The following TMEM117 variants were observed in gnomAD, a reference collection of about 807,000 sequenced individuals.
TMEM117 encodes transmembrane protein 117.
A neutral mutation model predicts 52.4 loss-of-function variants in TMEM117; 27 were observed. That is an observed-to-expected ratio of 0.51 (90% confidence interval 0.38 to 0.71). TMEM117 has a LOEUF of 0.71. TMEM117 is among the 30% of genes least tolerant of loss of function. TMEM117 has a pLI of 0.00. For missense variants in TMEM117, 556 were observed against 630.5 expected (o/e 0.88, Z 1.26); for synonymous variants, 215 against 206.3 (o/e 1.04, Z -0.36).
At chr12:44,332,916 T>C (rs116919369) in intron 6 of TMEM117, among the ~76,000 whole-genome samples, 4,225 of 152,194 alleles carry the variant, frequency 0.028, 97 homozygotes, top group African/African-American at 0.055. Flanking sequence ...TTAAGATCTC[T>C]TTTACTTTAA....
intron 2 of TMEM117, among the ~76,000 whole-genome samples, chr12:43,849,661 T>G (rs763544420): frequency 1.3e-5 from 2 of 152,166 alleles, no homozygotes; most frequent in Non-Finnish European, 2.9e-5. Flanking sequence ...GAAAAGATTA[T>G]ATGATGTAGT....
chr12:44,372,284 G>A (rs926863614), intron 6 of TMEM117, among the ~76,000 whole-genome samples: 8 of 152,036 alleles, frequency 5.3e-5, no homozygotes, highest in Non-Finnish European at 7.4e-5. Context: ...CTCTTGCCTC[G>A]TCATTCCCTT....
intron 5 of TMEM117, among the ~76,000 whole-genome samples, chr12:44,249,436 A>G (rs1487119552): frequency 1.3e-5 from 2 of 152,186 alleles, no homozygotes; most frequent in African/African-American, 4.8e-5. Context: ...TATAGATTCA[A>G]TGCTACTGCC....
At chr12:44,197,891 G>T (rs933238786) in intron 4 of TMEM117, among the ~76,000 whole-genome samples, 4 of 152,160 alleles carry the variant, frequency 2.6e-5, no homozygotes, top group African/African-American at 9.7e-5. Flanking sequence ...ATAATAAGAA[G>T]ATGCATTAAT....
At chr12:44,276,379 A>G (rs188985795) in intron 5 of TMEM117, among the ~76,000 whole-genome samples, 145 of 152,324 alleles carry the variant, frequency 9.5e-4, no homozygotes, top group Non-Finnish European at 1.7e-3. Context: ...GTGTTAAGTG[A>G]AATAAGCTAG....
chr12:44,135,197 A>G (rs1308178058), intron 3 of TMEM117, among the ~76,000 whole-genome samples: 2 of 152,196 alleles, frequency 1.3e-5, no homozygotes, highest in Admixed American at 6.5e-5. Context: ...AGAAAAGGAA[A>G]CAATAGCAGA....
intron 5 of TMEM117, among the ~76,000 whole-genome samples, chr12:44,286,863 C>G (rs1950645428): frequency 6.6e-6 from 1 of 151,978 alleles, no homozygotes; most frequent in Admixed American, 6.6e-5. Flanking sequence ...TTTAGCTGAA[C>G]AGAAAAAAGG....
At chr12:44,080,700 AAAG>A (rs1179227668) in intron 3 of TMEM117, among the ~76,000 whole-genome samples, 3 of 152,208 alleles carry the variant, frequency 2.0e-5, no homozygotes, top group Admixed American at 1.3e-4. Flanking sequence ...AAAAAAATCA[AAAG>A]AAGAAGAATA....
intron 3 of TMEM117, among the ~76,000 whole-genome samples, chr12:44,126,277 C>CTAACCCCTCCATTGT (rs1053847584): frequency 2.6e-5 from 4 of 152,186 alleles, no homozygotes; most frequent in Non-Finnish European, 5.9e-5. Flanking sequence ...TGCAGTTTCT[C>CTAACCCCTCCATTGT]TAACCCCTCC....
Position 44,376,634 on chromosome 12 carries a change from A to C in TMEM117, c.808A>C (p.Asn270His). Residue 270 changes from asparagine (N) to histidine (H), a missense_variant, in exon 7 of 8, where the codon AAT (asparagine) becomes CAT (histidine). By Grantham distance (68) the Asn-to-His change is moderately conservative. This residue lies in a region of TMEM117 where 328 missense variants were observed against 371.4 expected (regional missense o/e 0.88). Transcript: ENST00000266534. ...FPHFMGDVDV[N>H]LPGLHTPHMQ... is the part of the protein sequence containing the mutation. ...ACATTTCATGGGAGATGTTGATGTA[A>C]ATCTCCCTGGTTTGCACACCCCTCA... The C allele has an allele frequency of 1.2e-6, 2 of 1,609,688 alleles. No homozygotes were observed. Among genetic ancestry groups the C allele is most frequent in the Non-Finnish European group, 1.7e-6 (2 of 1,178,530 alleles).
intron 5 of TMEM117, among the ~76,000 whole-genome samples, chr12:44,230,004 G>A (rs1465277423): frequency 1.3e-5 from 2 of 151,958 alleles, no homozygotes; most frequent in African/African-American, 2.4e-5. Context: ...ATATGCTAAT[G>A]GTGTGTTTTC....
intron 2 of TMEM117, among the ~76,000 whole-genome samples, chr12:43,936,963 A>G (rs1944961471): frequency 6.6e-6 from 1 of 152,170 alleles, no homozygotes; most frequent in Non-Finnish European, 1.5e-5. Flanking sequence ...AGGTGGAGAA[A>G]AAAGAATGAG....
chr12:44,061,674 G>C (rs985109137), intron 3 of TMEM117, among the ~76,000 whole-genome samples: 11 of 152,118 alleles, frequency 7.2e-5, no homozygotes, highest in Non-Finnish European at 1.5e-4. Context: ...AGGGAGATGA[G>C]ATTTATATCA....
chr12:44,357,473 A>AC (rs1008337027), intron 6 of TMEM117, among the ~76,000 whole-genome samples: 3 of 152,258 alleles, frequency 2.0e-5, no homozygotes, highest in African/African-American at 7.2e-5. Flanking sequence ...GAGGAGGGAC[A>AC]CTTAGATCAG....
chr12:44,396,848 CA>C, the TMEM117 span, among the ~76,000 whole-genome samples: 4,594 of 66,368 alleles, frequency 0.069, 187 homozygotes, highest in African/African-American at 0.19. Flanking sequence ...AGTGAGACTC[CA>C]AAAAAAAAAA....
intron 3 of TMEM117, among the ~76,000 whole-genome samples, chr12:43,969,198 C>T (rs1413176020): frequency 6.6e-6 from 1 of 151,572 alleles, no homozygotes; most frequent in African/African-American, 2.4e-5. Flanking sequence ...TGTTAGTGTA[C>T]AGTACAGATT....
At position 43,917,226 on chromosome 12, in the gene TMEM117, T is replaced by C. The variant is rs1944619348; in HGVS notation, c.278-26984T>C. 4.9e-5 allele frequency among the ~76,000 whole-genome samples: 3 copies of C among 60,706 alleles called. No individual in the cohort carries two copies. In the Admixed American group the frequency reaches 5.8e-4, roughly 12 times the overall value. 39.8% of individuals were successfully genotyped at this position (60,706 alleles called of 152,430 possible). ...TGGGCAAGATAGTGAGAGCCTCATC[T>C]CTACAAAAAAAAAAAAAAAAAAAAA... On this transcript the variant is annotated intron_variant, in intron 2 of 7. Transcript: ENST00000266534.
chr12:43,858,592 TC>T (rs1943438008), intron 2 of TMEM117, among the ~76,000 whole-genome samples: 1 of 152,188 alleles, frequency 6.6e-6, no homozygotes, highest in Admixed American at 6.5e-5. Context: ...CTATACTTTT[TC>T]CCCTTAATTT....
At chr12:44,313,014 C>T (rs144260350) in intron 6 of TMEM117, among the ~76,000 whole-genome samples, 2 of 152,100 alleles carry the variant, frequency 1.3e-5, no homozygotes, top group African/African-American at 4.8e-5. Context: ...GGATATTAAA[C>T]CTCTGTTGGA....
Sources: gnomAD v4.1 joint callset for allele counts (sites outside exome capture counted in the v4.1 genomes callset) on GRCh38, gnomAD v4.1.1 for gene constraint, gnomAD v4.1.1 regional missense constraint, MANE v1.5 for transcripts, NCBI Gene and HGNC (gene_info 2026-07-23, HGNC 2026-07-21) for gene names.